C5: variants seen among roughly 807,000 people sequenced by gnomAD.
C5 encodes the protein complement C5.
A neutral mutation model predicts 218.8 loss-of-function variants in C5; 140 were observed. The observed-to-expected ratio is 0.64, with a 90% CI of 0.56 to 0.74. C5 has a LOEUF of 0.74. Ranked by LOEUF, C5 falls within the 30% of genes least tolerant of loss-of-function variation. C5 has a pLI of 0.00. For missense variants in C5, 1,700 were observed against 1,969.6 expected (o/e 0.86, Z 2.59); for synonymous variants, 614 against 682.3 (o/e 0.90, Z 1.56).
At position 121,020,116 on chromosome 9, in the gene C5, C is replaced by T; in HGVS notation, c.1366G>A (p.Ala456Thr). The T allele has an allele frequency of 6.2e-7, 1 of 1,613,922 alleles. No homozygotes were observed. The highest frequency in any genetic ancestry group is 8.5e-7 in the Non-Finnish European group (1 of 1,179,864). Residue 456 changes from alanine to threonine, a missense_variant, in exon 12 of 41, where the codon GCA (alanine) becomes ACA (threonine). Ala to Thr is a moderately conservative substitution (Grantham distance 58, BLOSUM62 0). Transcript: ENST00000223642. ...TAACTTTGGCTGAGAGATGAGTATG[C>T]TATTGCTCGGTAACCTTCCCTGGCC... ...NQAREGYRAI[A>T]YSSLSQSYLY...
intron 23 of C5, 138 bp from the exon 24 acceptor site, chr9:120,989,918 G>T (rs1466332156): frequency 3.0e-6 from 2 of 676,352 alleles, no homozygotes; most frequent in Non-Finnish European, 5.2e-6. Flanking sequence ...CAGAAACGGG[G>T]TGAGAAAAAA....
the C5 span, among the ~76,000 whole-genome samples, chr9:121,066,650 G>A: frequency 3.3e-5 from 5 of 151,358 alleles, no homozygotes; most frequent in Admixed American, 3.3e-4. Flanking sequence ...TTCGAGATCA[G>A]ACTGGCCAAC....
intron 39 of C5, among the ~76,000 whole-genome samples, chr9:120,956,259 G>A (rs913927216): frequency 6.6e-6 from 1 of 151,866 alleles, no homozygotes. Context: ...GTGCCACTGC[G>A]CTCCAGCCTG....
At chr9:121,052,080 A>G (rs1367815565), upstream of C5, among the ~76,000 whole-genome samples, 2 of 152,220 alleles carry the variant, frequency 1.3e-5, no homozygotes, top group African/African-American at 4.8e-5. Context: ...AAGATTCTCA[A>G]CAGAACTGAA....
At chr9:120,991,351 A>G (rs1169623919) in intron 22 of C5, 71 bp from the exon 23 acceptor site, 1 of 824,126 alleles carries the variant, frequency 1.2e-6, no homozygotes, top group Non-Finnish European at 2.1e-6. Context: ...TTTATAATGT[A>G]TCTACTTCCA....
chr9:120,987,417 G>A (rs1176488408), intron 25 of C5, among the ~76,000 whole-genome samples: 4 of 151,960 alleles, frequency 2.6e-5, no homozygotes, highest in African/African-American at 9.7e-5. Flanking sequence ...GGTTGAGGTG[G>A]GTGGATCACG....
chr9:121,011,357 A>G (rs1564150399), intron 17 of C5, among the ~76,000 whole-genome samples: 2 of 152,238 alleles, frequency 1.3e-5, no homozygotes, highest in Non-Finnish European at 2.9e-5. Flanking sequence ...TACAAATGGC[A>G]AAAAAGCATG....
the C5 span, among the ~76,000 whole-genome samples, chr9:121,059,674 A>G: frequency 5.9e-5 from 9 of 152,238 alleles, no homozygotes; most frequent in Non-Finnish European, 1.3e-4. This position sits in a 1 kb window ranked among gnomAD's most constrained non-coding sequence, Gnocchi z 4.1. Flanking sequence ...AATAGAATAC[A>G]GCAAAAGTGA....
intron 9 of C5, among the ~76,000 whole-genome samples, chr9:121,025,092 C>T (rs781207028): frequency 2.6e-5 from 4 of 152,068 alleles, no homozygotes; most frequent in Non-Finnish European, 4.4e-5. Context: ...TAGTTTTACA[C>T]ACATAATCTT....
At chr9:120,967,347 T>G (rs2046876274) in intron 33 of C5, among the ~76,000 whole-genome samples, 1 of 152,102 alleles carries the variant, frequency 6.6e-6, no homozygotes, top group South Asian at 2.1e-4. Context: ...CCTCTAACTC[T>G]GTGAGCATTT....
At chr9:121,054,802 C>T (rs562821618), upstream of C5, among the ~76,000 whole-genome samples, 2 of 152,174 alleles carry the variant, frequency 1.3e-5, no homozygotes, top group African/African-American at 4.8e-5. Context: ...AGATAATCTC[C>T]ATTAATGCAA....
At chr9:120,999,917 G>A (rs373675929) in intron 20 of C5, 128 of 450,542 alleles carry the variant, frequency 2.8e-4, no homozygotes, top group African/African-American at 2.4e-3. Context: ...AAGTTGGCTG[G>A]GCATGGTGGT....
intron 5 of C5, among the ~76,000 whole-genome samples, chr9:121,032,640 T>C (rs980641127): frequency 5.9e-5 from 9 of 152,190 alleles, no homozygotes; most frequent in Admixed American, 2.6e-4. Flanking sequence ...GAATTTATGG[T>C]TGGAAACAAA....
In C5 at chr9:121,018,766, G is replaced by A. The variant is rs866459442; in HGVS notation, c.1507-914C>T. ...GAAAGGAAGGAAGGAAGGAAGGAAG[G>A]AAGGAAGGAAGGAAGGAAGGAAGGA... On this transcript the variant is annotated intron_variant, in intron 12 of 40. Transcript: ENST00000223642. Among the ~76,000 whole-genome samples, 1,252 of 148,274 alleles carry A rather than the reference G, an allele frequency of 8.4e-3. 25 individuals carry two copies. The highest frequency in any genetic ancestry group is 0.029 in the African/African-American group (1,158 of 39,764).
intron 28 of C5, among the ~76,000 whole-genome samples, chr9:120,977,776 T>G (rs898038920): frequency 4.6e-5 from 7 of 152,200 alleles, no homozygotes; most frequent in Admixed American, 3.9e-4. Flanking sequence ...GGCAGTTTAG[T>G]AGAGTCGAAA....
chr9:121,036,221 T>A (rs556915285), intron 4 of C5, among the ~76,000 whole-genome samples: 1 of 152,352 alleles, frequency 6.6e-6, no homozygotes, highest in Non-Finnish European at 1.5e-5. Flanking sequence ...GCTGAGTATT[T>A]TTATGGCTCT....
At chr9:121,026,337 T>A (rs1172368415) in intron 8 of C5, among the ~76,000 whole-genome samples, 1 of 152,160 alleles carries the variant, frequency 6.6e-6, no homozygotes, top group Non-Finnish European at 1.5e-5. Flanking sequence ...CAGCAATCAT[T>A]AGCCCTAAAC....
intron 2 of C5, among the ~76,000 whole-genome samples, chr9:121,045,438 AAAAT>A (rs2047619015): frequency 6.6e-6 from 1 of 152,152 alleles, no homozygotes. Flanking sequence ...ACAAATTTAT[AAAAT>A]AAATTCAAAA....
intron 38 of C5, among the ~76,000 whole-genome samples, chr9:120,959,193 CTG>C (rs2046807720): frequency 6.6e-6 from 1 of 152,084 alleles, no homozygotes; most frequent in Admixed American, 6.6e-5. Flanking sequence ...ACCAAATTGG[CTG>C]TGTTTATTTT....
Sources: gnomAD v4.1 joint callset for allele counts (sites outside exome capture counted in the v4.1 genomes callset) on GRCh38, gnomAD v4.1.1 for gene constraint, Gnocchi (gnomAD v3.1) non-coding constraint, MANE v1.5 for transcripts, NCBI Gene and HGNC (gene_info 2026-07-23, HGNC 2026-07-21) for gene names.